DPP10: variants seen among roughly 807,000 people sequenced by gnomAD.
DPP10 encodes dipeptidyl peptidase like 10, also known as inactive dipeptidyl peptidase 10.
Under a neutral mutation model 120.9 loss-of-function variants are expected in DPP10, and 33 were observed. The ratio of observed to expected loss-of-function variants is 0.27; its 90% confidence interval spans 0.21 to 0.37. The LOEUF is 0.37. DPP10 is among the 10% of genes least tolerant of loss of function. DPP10 has a pLI of 1.00. For synonymous variants in DPP10, 337 were observed against 326.1 expected, an observed-to-expected ratio of 1.03 and a Z score of -0.36; for missense variants, 816 against 942.8, an observed-to-expected ratio of 0.87 and a Z score of 1.76.
chr2:114,737,328 G>C (rs566067777), intron 1 of DPP10, among the ~76,000 whole-genome samples: 1 of 152,142 alleles, frequency 6.6e-6, no homozygotes, highest in Non-Finnish European at 1.5e-5. Flanking sequence ...TGAAGAATGC[G>C]TGCAGGTGCC....
At chr2:114,779,859 G>A (rs966008975) in intron 1 of DPP10, among the ~76,000 whole-genome samples, 2 of 152,188 alleles carry the variant, frequency 1.3e-5, no homozygotes, top group African/African-American at 4.8e-5. Context: ...GGAAGGGGCT[G>A]AGCACGGTGG....
intron 1 of DPP10, among the ~76,000 whole-genome samples, chr2:115,086,498 C>T (rs560256355): frequency 6.8e-6 from 1 of 146,642 alleles, no homozygotes; most frequent in East Asian, 2.0e-4. Context: ...AGGCTGTCAC[C>T]CAGGCTGGAG....
intron 17 of DPP10, among the ~76,000 whole-genome samples, chr2:115,785,635 A>C (rs2053722): frequency 1.3e-5 from 2 of 152,052 alleles, no homozygotes; most frequent in East Asian, 3.9e-4. Flanking sequence ...CGGCACTCAT[A>C]ATAGTCTCTG....
chr2:115,067,977 T>C (rs572385625), intron 1 of DPP10, among the ~76,000 whole-genome samples: 2 of 152,050 alleles, frequency 1.3e-5, no homozygotes, highest in South Asian at 2.1e-4. Context: ...CATCTGTCTA[T>C]GAAAACAGTT....
chr2:115,693,676 ATATT>A (rs1324214296), intron 7 of DPP10, among the ~76,000 whole-genome samples: 1 of 152,094 alleles, frequency 6.6e-6, no homozygotes, highest in African/African-American at 2.4e-5. Flanking sequence ...ATTTTTTAAT[ATATT>A]TAAGAAAATT....
chr2:115,026,614 C>G (rs986463150), intron 1 of DPP10, among the ~76,000 whole-genome samples: 22 of 152,126 alleles, frequency 1.4e-4, no homozygotes, highest in Non-Finnish European at 3.1e-4. Context: ...CGGCTCATTG[C>G]AACCTCTGCC....
intron 5 of DPP10, among the ~76,000 whole-genome samples, chr2:115,625,682 T>G (rs1248872616): frequency 6.6e-6 from 1 of 152,104 alleles, no homozygotes; most frequent in Non-Finnish European, 1.5e-5. Flanking sequence ...TGTTTAGGCA[T>G]GTAACATGAA....
intron 1 of DPP10, among the ~76,000 whole-genome samples, chr2:114,551,603 A>G (rs1199045320): frequency 6.6e-6 from 1 of 152,170 alleles, no homozygotes; most frequent in African/African-American, 2.4e-5. Flanking sequence ...ACTGTTGCAG[A>G]CCATAGACCT....
chr2:115,321,287 G>C (rs1052580431), intron 2 of DPP10, among the ~76,000 whole-genome samples: 1 of 152,196 alleles, frequency 6.6e-6, no homozygotes, highest in Admixed American at 6.5e-5. Flanking sequence ...GGCAACAAGA[G>C]TGAAACCCCA....
At chr2:115,520,506 A>C (rs1275849421) in intron 4 of DPP10, among the ~76,000 whole-genome samples, 2 of 44,998 alleles carry the variant, frequency 4.4e-5, no homozygotes, top group Admixed American at 3.7e-4. Context: ...AAGCTCCTGG[A>C]GCATGATTTT....
chr2:115,018,932 G>A (rs1702866843), intron 1 of DPP10, among the ~76,000 whole-genome samples: 1 of 152,028 alleles, frequency 6.6e-6, no homozygotes, highest in South Asian at 2.1e-4. Flanking sequence ...GCCCTGAGCA[G>A]CCCCACTTCT....
chr2:115,490,635 A>G (rs190563731), intron 3 of DPP10, among the ~76,000 whole-genome samples: 3 of 152,320 alleles, frequency 2.0e-5, no homozygotes, highest in African/African-American at 7.2e-5. Flanking sequence ...AAACCTCTTT[A>G]AAGTATTTTA....
At chr2:114,543,607 A>G (rs1687126594) in intron 1 of DPP10, among the ~76,000 whole-genome samples, 1 of 152,194 alleles carries the variant, frequency 6.6e-6, no homozygotes, top group Non-Finnish European at 1.5e-5. Context: ...GGAAGCCAAC[A>G]AAAGATAAGG....
chr2:114,508,954 T>A (rs1683906692), intron 1 of DPP10, among the ~76,000 whole-genome samples: 1 of 151,942 alleles, frequency 6.6e-6, no homozygotes, highest in Admixed American at 6.6e-5. Context: ...GATGGGCAAT[T>A]TGAGTCGAAT....
At position 114,668,772 on chromosome 2, in the gene DPP10, C is replaced by A. The variant is rs192473615; in HGVS notation, c.60+225934C>A. Among the ~76,000 whole-genome samples, 649 of 152,210 alleles carry A rather than the reference C, an allele frequency of 4.3e-3. 5 individuals are homozygous for A. Among genetic ancestry groups the A allele is most frequent in the South Asian group, 0.012 (57 of 4,822 alleles). On this transcript the variant is annotated intron_variant, in intron 1 of 25. Transcript: ENST00000410059. ...AGAAAGTTGTCTTTGCTGACCCTTT[C>A]TTTCTCTGTGGAATGTTCCCTCCTC...
chr2:114,574,126 C>T (rs1226936164), intron 1 of DPP10, among the ~76,000 whole-genome samples: 1 of 152,152 alleles, frequency 6.6e-6, no homozygotes, highest in Admixed American at 6.5e-5. Flanking sequence ...CATTTCTGGG[C>T]AAGGGACAGT....
chr2:114,543,882 G>GTT (rs397692481), intron 1 of DPP10, among the ~76,000 whole-genome samples: 27 of 150,528 alleles, frequency 1.8e-4, no homozygotes, highest in Admixed American at 3.3e-4. Context: ...TTTTGTTGTT[G>GTT]GTGGTGGTGG....
intron 5 of DPP10, among the ~76,000 whole-genome samples, chr2:115,648,519 C>T (rs1053721230): frequency 2.0e-5 from 3 of 151,686 alleles, no homozygotes; most frequent in African/African-American, 7.3e-5. Flanking sequence ...TCATCTCTTA[C>T]CCAGGTGATG....
chr2:115,623,742 T>C (rs1316090073), intron 5 of DPP10, among the ~76,000 whole-genome samples: 1 of 152,300 alleles, frequency 6.6e-6, no homozygotes, highest in East Asian at 1.9e-4. Flanking sequence ...CTCTCCTCTT[T>C]GTATAATTTC....
Sources: gnomAD v4.1 joint callset for allele counts (sites outside exome capture counted in the v4.1 genomes callset) on GRCh38, gnomAD v4.1.1 for gene constraint, MANE v1.5 for transcripts, NCBI Gene and HGNC (gene_info 2026-07-23, HGNC 2026-07-21) for gene names.